Variants in IFIH1 observed in about 807,000 individuals in gnomAD.
IFIH1 encodes the protein interferon-induced helicase C domain-containing protein 1.
Under a neutral mutation model 107.4 loss-of-function variants are expected in IFIH1, and 125 were observed. The observed-to-expected ratio is 1.16, with a 90% CI of 1.01 to 1.35. The LOEUF is 1.35. Among genes scored for constraint, IFIH1 ranks in the 40% most tolerant of loss-of-function variants. IFIH1 has a pLI of 0.00. For synonymous variants in IFIH1, 458 were observed against 413.2 expected (o/e 1.11, Z -1.31); for missense variants, 1,333 against 1,213.7 (o/e 1.10, Z -1.46).
At chr2:162,293,824 G>T (rs939128272) in intron 3 of IFIH1, among the ~76,000 whole-genome samples, 156 bp from the exon 4 acceptor site, 1 of 151,816 alleles carries the variant, frequency 6.6e-6, no homozygotes, top group African/African-American at 2.4e-5. Context: ...CTTCTGGCAG[G>T]CTACATTAAG....
rs746614543 is a variant in IFIH1, at chr2:162,288,243, G to C, written c.987C>G (p.Leu329=). The change falls in exon 5 of 16, where the codon CTC becomes CTG. Residue 329 remains leucine, a synonymous_variant. Coordinates refer to ENST00000649979, the MANE Select transcript of IFIH1 (RefSeq NM_022168.4). ...CTCTGGTTTTTCCACTCCCTGTAGGGAGGCAGATGATGATATTCTTCCCTT... is the reference window on the plus strand; with the variant it reads ...CTCTGGTTTTTCCACTCCCTGTAGGCAGGCAGATGATGATATTCTTCCCTT... ...ALEGKNIIIC[L]PTGSGKTRVA... 6.2e-7 allele frequency: 1 copy of C among 1,612,744 alleles called. No individual in the cohort carries two copies.
rs1682931491 is a variant in IFIH1 at position 162,288,253 on chromosome 2, A to G, written c.977T>C (p.Ile326Thr). The G allele has an allele frequency of 6.2e-7, 1 of 1,612,806 alleles. No individual in the cohort carries two copies. The highest frequency in any genetic ancestry group is 8.5e-7 in the Non-Finnish European group (1 of 1,179,214). ...TCCACTCCCTGTAGGGAGGCAGATG[A>G]TGATATTCTTCCCTTCCAAGGCTGG... ...AQPALEGKNI[I>T]ICLPTGSGKT... Residue 326 changes from isoleucine to threonine, a missense_variant, in exon 5 of 16, where the codon ATC becomes ACC. Physicochemically the swap from Ile to Thr is moderately conservative, Grantham distance 89. Transcript: ENST00000649979.
At chr2:162,297,360 C>T (rs578094538) in intron 3 of IFIH1, among the ~76,000 whole-genome samples, 6 of 152,054 alleles carry the variant, frequency 3.9e-5, no homozygotes, top group African/African-American at 1.2e-4. Flanking sequence ...ATAAGTAGAT[C>T]GCATGGAGTT....
At chr2:162,267,752 C>A (rs1690954675) in intron 14 of IFIH1, among the ~76,000 whole-genome samples, 183 bp from the exon 15 acceptor site, 1 of 152,234 alleles carries the variant, frequency 6.6e-6, no homozygotes, top group African/African-American at 2.4e-5. Context: ...TCTACACATA[C>A]CTCTCAAGGG....
intron 3 of IFIH1, among the ~76,000 whole-genome samples, chr2:162,297,926 G>A (rs1683123394): frequency 2.0e-5 from 3 of 151,992 alleles, no homozygotes; most frequent in African/African-American, 7.2e-5. Flanking sequence ...TGAGTATTTT[G>A]CTAATAAGGC....
At chr2:162,268,669 A>G (rs1337369743) in intron 13 of IFIH1, among the ~76,000 whole-genome samples, 4 of 152,000 alleles carry the variant, frequency 2.6e-5, no homozygotes, top group Non-Finnish European at 5.9e-5. Context: ...GGGTCACTGC[A>G]ACCTCCATCT....
chr2:162,296,921 C>T (rs1006880041), intron 3 of IFIH1, among the ~76,000 whole-genome samples: 3 of 151,924 alleles, frequency 2.0e-5, no homozygotes, highest in Non-Finnish European at 2.9e-5. Flanking sequence ...ATATGGAGCT[C>T]GATTTCTTTG....
chr2:162,302,109 C>T (rs561395260), intron 3 of IFIH1, among the ~76,000 whole-genome samples: 2 of 152,104 alleles, frequency 1.3e-5, no homozygotes, highest in Non-Finnish European at 2.9e-5. Context: ...TCTGATATGT[C>T]ACCTCTAGTG....
intron 13 of IFIH1, among the ~76,000 whole-genome samples, chr2:162,269,624 G>T (rs533083913): frequency 6.6e-6 from 1 of 152,096 alleles, no homozygotes; most frequent in Non-Finnish European, 1.5e-5. Context: ...ATAATTTACC[G>T]CCAAACTGAC....
Position 162,276,627 on chromosome 2 carries a change from G to A in IFIH1, c.2304+60C>T, listed in dbSNP as rs1031694034. 37 of 1,524,842 alleles carry A rather than the reference G, an allele frequency of 2.4e-5. No homozygotes were observed. The East Asian group carries it at 6.1e-4, about 25-fold the overall frequency. 94.5% of individuals were successfully genotyped at this position (1,524,842 alleles called of 1,614,324 possible). A position where few individuals can be genotyped will look rare whatever the true frequency, so the allele number is the denominator to read the frequency against. ...CTGAAAGAAAAGAAGAAGAGAAGAAGAGAAGAGAAGAAGAAAAGAGAAAGA... is the reference window on the plus strand; with the variant it reads ...CTGAAAGAAAAGAAGAAGAGAAGAAAAGAAGAGAAGAAGAAAAGAGAAAGA... On this transcript the variant is annotated intron_variant, in intron 11 of 15. Transcript: ENST00000649979.
intron 1 of IFIH1, among the ~76,000 whole-genome samples, chr2:162,314,418 T>TCTTTTCTTTCTC (rs1553461351): frequency 3.1e-5 from 2 of 65,234 alleles, no homozygotes; most frequent in Non-Finnish European, 5.5e-5. Context: ...TTTCTTTCTT[T>TCTTTTCTTTCTC]TCTTTCTTTC....
In IFIH1 at chr2:162,278,195, C is replaced by A; in HGVS notation, c.1765+10G>T. On this transcript the variant is annotated intron_variant, in intron 9 of 15. Coordinates refer to ENST00000649979, the MANE Select transcript of IFIH1 (RefSeq NM_022168.4). ...GGATAAACTAAGTGTTAGGTCCAAA[C>A]CTAAATTACCTTTTTTTTCCATTTG... 6.2e-7 allele frequency: 1 copy of A among 1,600,714 alleles called. No individual in the cohort carries two copies. The highest frequency in any genetic ancestry group is 8.5e-7 in the Non-Finnish European group (1 of 1,175,952).
chr2:162,298,396 A>G (rs1045924595), intron 3 of IFIH1, among the ~76,000 whole-genome samples: 1 of 152,308 alleles, frequency 6.6e-6, no homozygotes, highest in East Asian at 1.9e-4. Context: ...GTGCATATTG[A>G]GAAAGAACAG....
chr2:162,317,156 G>A lies in IFIH1; in HGVS notation c.453+699C>T, dbSNP rs1355691950. Among the ~76,000 whole-genome samples the A allele has an allele frequency of 2.0e-5, 3 of 151,508 alleles. 1 individual carries two copies. Among genetic ancestry groups the A allele is most frequent in the East Asian group, 3.9e-4 (2 of 5,140 alleles). On this transcript the variant is annotated intron_variant, in intron 1 of 15. Coordinates refer to ENST00000649979, the MANE Select transcript of IFIH1 (RefSeq NM_022168.4). Reference sequence around the variant, plus strand: ...AAATGCCAGATAATAAATATTTTTGGCTTTAAGGGCACACAGTCTCCATCC... The same window carrying A: ...AAATGCCAGATAATAAATATTTTTGACTTTAAGGGCACACAGTCTCCATCC...
intron 1 of IFIH1, among the ~76,000 whole-genome samples, chr2:162,311,655 G>C (rs1185747883): frequency 3.3e-5 from 5 of 151,668 alleles, no homozygotes; most frequent in Non-Finnish European, 7.4e-5. Flanking sequence ...TGGATCTTTT[G>C]TGTAATCATT....
chr2:162,287,341 G>A (rs1048695201), intron 5 of IFIH1, among the ~76,000 whole-genome samples: 1 of 151,770 alleles, frequency 6.6e-6, no homozygotes, highest in Non-Finnish European at 1.5e-5. Flanking sequence ...TCAAGGAAAA[G>A]TATGCTCATT....
chr2:162,288,274 G>T lies in IFIH1; in HGVS notation c.956C>A (p.Ala319Asp). 1 of 1,612,704 alleles carries T rather than the reference G, an allele frequency of 6.2e-7. No homozygotes were observed. The highest frequency in any genetic ancestry group is 8.5e-7 in the Non-Finnish European group (1 of 1,179,188). ...GATGATGATATTCTTCCCTTCCAAG[G>T]CTGGCTGGGCAACTTCCATTTGGTA... Reference protein sequence around the residue: ...RPYQMEVAQPALEGKNIIICL... With the variant: ...RPYQMEVAQPDLEGKNIIICL... Residue 319 changes from alanine to aspartate, a missense_variant, in exon 5 of 16, where the codon GCC becomes GAC. Coordinates refer to ENST00000649979, the MANE Select transcript of IFIH1 (RefSeq NM_022168.4).
chr2:162,303,509 C>G (rs1327477021), intron 3 of IFIH1, among the ~76,000 whole-genome samples: 1 of 151,990 alleles, frequency 6.6e-6, no homozygotes, highest in Non-Finnish European at 1.5e-5. Flanking sequence ...TGTTATGTTC[C>G]TGAGTTCACA....
At chr2:162,274,110 T>C (rs1202641781) in intron 11 of IFIH1, among the ~76,000 whole-genome samples, 166 bp from the exon 12 acceptor site, 2 of 152,182 alleles carry the variant, frequency 1.3e-5, no homozygotes, top group African/African-American at 2.4e-5. Context: ...GACATAATGG[T>C]GAGACAACAT....
Sources: allele counts gnomAD v4.1 joint callset (sites outside exome capture counted in the v4.1 genomes callset), GRCh38; gene constraint gnomAD v4.1.1; transcripts MANE v1.5; gene names NCBI Gene and HGNC (gene_info 2026-07-23, HGNC 2026-07-21).